Variants in SERPINB12 observed in about 807,000 individuals in gnomAD.
SERPINB12 encodes serpin family B member 12, also known as serpin B12.
A neutral mutation model predicts 41.1 loss-of-function variants in SERPINB12; 57 were observed. That is an observed-to-expected ratio of 1.39 (90% CI 1.12 to 1.73). The LOEUF is 1.73. Ranked by LOEUF, SERPINB12 falls within the 40% of genes most tolerant of loss-of-function variation. The pLI is 0.00. For synonymous variants in SERPINB12, 180 were observed against 181.3 expected (o/e 0.99, Z 0.06); for missense variants, 536 against 501.9 (o/e 1.07, Z -0.65).
At position 63,564,099 on chromosome 18, in the gene SERPINB12, T is replaced by C; in HGVS notation, c.684T>C (p.Asp228=). 1 of 1,613,586 alleles carries C rather than the reference T, an allele frequency of 6.2e-7. No individual in the cohort carries two copies. Among genetic ancestry groups the C allele is most frequent in the Admixed American group, 1.7e-5 (1 of 59,918 alleles). The part of the protein sequence containing the change: ...ETYFDHENTV[D]APFCLNANEN... Reference sequence around the variant, plus strand: ...ACTTTGACCATGAAAACACGGTGGATGCACCTTTCTGTCTAAATGCGGTAG... The same window carrying C: ...ACTTTGACCATGAAAACACGGTGGACGCACCTTTCTGTCTAAATGCGGTAG... Residue 228 remains aspartate, a synonymous_variant, in exon 6 of 8, where the codon GAT becomes GAC. Coordinates refer to ENST00000382768, the MANE Select transcript of SERPINB12 (RefSeq NM_001307928.2).
intron 6 of SERPINB12, among the ~76,000 whole-genome samples, chr18:63,565,095 G>A (rs2069708802): frequency 1.3e-5 from 2 of 152,152 alleles, no homozygotes; most frequent in South Asian, 2.1e-4. Flanking sequence ...GCTGAGGTGG[G>A]AGGATTGCCT....
chr18:63,532,120 G>A, the SERPINB12 span, among the ~76,000 whole-genome samples: 1 of 152,106 alleles, frequency 6.6e-6, no homozygotes, highest in African/African-American at 2.4e-5. Context: ...TTGCCTCCTT[G>A]TACCTTATTT....
chr18:63,554,390 T>C (rs1910608722), intron 1 of SERPINB12, among the ~76,000 whole-genome samples: 2 of 152,252 alleles, frequency 1.3e-5, no homozygotes, highest in African/African-American at 4.8e-5. Flanking sequence ...AGTTACATAA[T>C]GTTATCTTTT....
At chr18:63,561,063 C>T in intron 4 of SERPINB12, 22 bp from the exon 5 acceptor site, 1 of 1,467,282 alleles carries the variant, frequency 6.8e-7, no homozygotes, top group Non-Finnish European at 9.5e-7. Context: ...TGCATTATTT[C>T]CCTTTTATTC....
chr18:63,559,784 CTGGGT>C, intron 4 of SERPINB12, 66 bp downstream of exon 4: 3 of 1,544,224 alleles, frequency 1.9e-6, no homozygotes, highest in Non-Finnish European at 2.7e-6. Flanking sequence ...CAGGGAGTAG[CTGGGT>C]TACTCACCTG....
At chr18:63,543,436 A>G (rs1910315931) in intron 1 of SERPINB12, among the ~76,000 whole-genome samples, 1 of 152,144 alleles carries the variant, frequency 6.6e-6, no homozygotes, top group South Asian at 2.1e-4. Flanking sequence ...GAGTTGATGT[A>G]TATGCAGTGC....
At chr18:63,529,536 T>A in the SERPINB12 span, among the ~76,000 whole-genome samples, 2 of 152,200 alleles carry the variant, frequency 1.3e-5, 1 homozygote, top group Non-Finnish European at 2.9e-5. Flanking sequence ...AAAAGCCAGC[T>A]TGGAGTAAAT....
Position 63,566,676 on chromosome 18 carries a change from G to A in SERPINB12, c.943G>A (p.Val315Met). The A allele has an allele frequency of 6.2e-7, 1 of 1,614,090 alleles. No homozygotes were observed. The highest frequency in any genetic ancestry group is 1.1e-5 in the South Asian group (1 of 91,060). ...SSSENMSEES[V>M]VLSFPRFTLE... ...CTCAGAAAACATGTCAGAAGAATCGGTGGTCCTGTCCTTCCCCCGGTTCAC... is the reference window on the plus strand; with the variant it reads ...CTCAGAAAACATGTCAGAAGAATCGATGGTCCTGTCCTTCCCCCGGTTCAC... Residue 315 changes from valine (V) to methionine (M), a missense_variant, in exon 8 of 8, where the codon GTG becomes ATG. Transcript: ENST00000382768.
chr18:63,524,589 C>A, the SERPINB12 span, among the ~76,000 whole-genome samples: 2 of 152,044 alleles, frequency 1.3e-5, no homozygotes, highest in African/African-American at 4.8e-5. Flanking sequence ...CTGTGCCTGG[C>A]CAAAATTTCT....
chr18:63,561,120 G>A lies in SERPINB12; in HGVS notation c.480G>A (p.Thr160=), dbSNP rs774045820. The A allele has an allele frequency of 1.4e-5, 22 of 1,612,586 alleles. No individual in the cohort carries two copies. The highest frequency in any genetic ancestry group is 1.8e-5 in the Non-Finnish European group (21 of 1,178,794). Residue 160 remains threonine (T), a synonymous_variant, in exon 5 of 8, where the codon ACG becomes ACA. Transcript: ENST00000382768. The part of the protein sequence containing the change: ...YLDGVIQFYH[T]TIESVDFQKN... ...ATGGTGTGATTCAATTTTACCACAC[G>A]ACGATTGAAAGTGTTGATTTCCAAA...
intron 2 of SERPINB12, among the ~76,000 whole-genome samples, chr18:63,557,447 G>T (rs1345471841): frequency 6.6e-6 from 1 of 152,124 alleles, no homozygotes; most frequent in African/African-American, 2.4e-5. Flanking sequence ...CCCATGGTTG[G>T]CCTTATACTT....
At chr18:63,538,035 G>A (rs1306806691), upstream of SERPINB12, among the ~76,000 whole-genome samples, 1 of 151,974 alleles carries the variant, frequency 6.6e-6, no homozygotes, top group Non-Finnish European at 1.5e-5. Context: ...TATTTAATAG[G>A]TGCTCAATGA....
intron 4 of SERPINB12, 152 bp from the exon 5 acceptor site, chr18:63,560,933 G>A (rs78628257): frequency 0.038 from 23,895 of 630,536 alleles, 1,548 homozygotes; most frequent in East Asian, 0.25. Flanking sequence ...GTTTAAGACT[G>A]GGGATGGCTA....
upstream of SERPINB12, among the ~76,000 whole-genome samples, chr18:63,539,162 A>G (rs962491976): frequency 6.6e-6 from 1 of 152,100 alleles, no homozygotes; most frequent in African/African-American, 2.4e-5. Flanking sequence ...CTTTATGACC[A>G]TGACTCTTCT....
At chr18:63,527,831 G>T in the SERPINB12 span, among the ~76,000 whole-genome samples, 1 of 152,122 alleles carries the variant, frequency 6.6e-6, no homozygotes, top group Non-Finnish European at 1.5e-5. Context: ...ATATGGTTTG[G>T]CTGTGTCCCC....
chr18:63,526,109 T>C, the SERPINB12 span, among the ~76,000 whole-genome samples: 1 of 152,186 alleles, frequency 6.6e-6, no homozygotes, highest in Non-Finnish European at 1.5e-5. Context: ...CTTAAAAACA[T>C]TTGAGCTAGT....
chr18:63,542,212 AC>A (rs1910286980), upstream of SERPINB12, among the ~76,000 whole-genome samples: 1 of 152,196 alleles, frequency 6.6e-6, no homozygotes, highest in South Asian at 2.1e-4. Context: ...TCATGGTGGA[AC>A]GGTTTGTTCT....
At chr18:63,522,593 T>C in the SERPINB12 span, among the ~76,000 whole-genome samples, 1 of 152,220 alleles carries the variant, frequency 6.6e-6, no homozygotes, top group African/African-American at 2.4e-5. Context: ...AATTAATTTT[T>C]TGTTTTGCTT....
intron 1 of SERPINB12, among the ~76,000 whole-genome samples, chr18:63,554,070 A>T (rs1910600197): frequency 6.8e-6 from 1 of 146,288 alleles, no homozygotes; most frequent in African/African-American, 2.7e-5. Context: ...GCAAGATAAG[A>T]ACTGTGAGTT....
Sources: gnomAD v4.1 joint callset for allele counts (sites outside exome capture counted in the v4.1 genomes callset) on GRCh38, gnomAD v4.1.1 for gene constraint, MANE v1.5 for transcripts, NCBI Gene and HGNC (gene_info 2026-07-23, HGNC 2026-07-21) for gene names.